TBL1X: variants seen among roughly 807,000 people sequenced by gnomAD.
TBL1X encodes the protein F-box-like/WD repeat-containing protein TBL1X.
A neutral mutation model predicts 50.7 loss-of-function variants in TBL1X; 10 were observed. The ratio of observed to expected loss-of-function variants is 0.20; its 90% confidence interval spans 0.12 to 0.33. The LOEUF is 0.33. Among genes scored for constraint, TBL1X ranks in the 10% least tolerant of loss-of-function variants. The pLI is 1.00. For synonymous variants in TBL1X, 190 were observed against 214.7 expected (o/e 0.88, Z 1.01); for missense variants, 340 against 504.4 (o/e 0.67, Z 3.12).
At chrX:9,518,441 G>A (rs2082091524) in intron 2 of TBL1X, among the ~76,000 whole-genome samples, 3 of 112,291 alleles carry the variant, frequency 2.7e-5, no homozygotes, top group South Asian at 3.7e-4. Flanking sequence ...CAGAAGCCTG[G>A]TATTTTCATA....
At chrX:9,475,454 C>A (rs2081843919) in intron 1 of TBL1X, among the ~76,000 whole-genome samples, 1 of 109,996 alleles carries the variant, frequency 9.1e-6, no homozygotes, top group Admixed American at 9.7e-5. Context: ...CCATGTTGGC[C>A]AGGCTGGTTT....
rs190109445 is a variant in TBL1X at position 9,538,097 on chromosome X, T to C, written c.-131+36248T>C. Among the ~76,000 whole-genome samples, 14 of 112,468 alleles carry C rather than the reference T, an allele frequency of 1.2e-4. No homozygotes were observed. In the East Asian group the frequency reaches 3.9e-3, roughly 31 times the overall value. On this transcript the variant is annotated intron_variant, in intron 2 of 17. Coordinates refer to ENST00000645353, the MANE Select transcript of TBL1X (RefSeq NM_005647.4). ...CCAATGTGCATCTGAGATCAGGTCATTGGCGTTGAAATCGTGAAATGCTCA... is the reference window on the plus strand; with the variant it reads ...CCAATGTGCATCTGAGATCAGGTCACTGGCGTTGAAATCGTGAAATGCTCA...
At chrX:9,606,297 A>G (rs1362255708) in intron 2 of TBL1X, among the ~76,000 whole-genome samples, 1 of 111,788 alleles carries the variant, frequency 8.9e-6, no homozygotes, top group African/African-American at 3.3e-5. Context: ...TGTCTTTTAC[A>G]CCCATAAATG....
At chrX:9,655,263 TGTAGGC>T (rs1165862502) in intron 5 of TBL1X, among the ~76,000 whole-genome samples, 1 of 110,996 alleles carries the variant, frequency 9.0e-6, no homozygotes, top group Non-Finnish European at 1.9e-5. Context: ...AAGATGAAGG[TGTAGGC>T]GGGTCGGTTC....
chrX:9,482,626 G>T (rs2081889353), intron 1 of TBL1X, among the ~76,000 whole-genome samples: 1 of 111,473 alleles, frequency 9.0e-6, no homozygotes. Context: ...ACGGTGGTGA[G>T]CTCACTCCTA....
At chrX:9,507,835 A>G (rs756305729) in intron 2 of TBL1X, among the ~76,000 whole-genome samples, 19 of 112,349 alleles carry the variant, frequency 1.7e-4, no homozygotes, top group Non-Finnish European at 3.4e-4. Context: ...AAAACAAGCA[A>G]TGGGGAAAGG....
chrX:9,567,516 T>G (rs1454448149), intron 2 of TBL1X, among the ~76,000 whole-genome samples: 1 of 111,947 alleles, frequency 8.9e-6, no homozygotes, highest in African/African-American at 3.2e-5. Flanking sequence ...GTTCAGCAGA[T>G]GAGGGTTAAG....
intron 5 of TBL1X, among the ~76,000 whole-genome samples, chrX:9,677,582 G>A (rs1223287134): frequency 2.7e-5 from 3 of 110,343 alleles, no homozygotes; most frequent in Non-Finnish European, 5.7e-5. Flanking sequence ...TTTACTCCCC[G>A]ACTACTGTAG....
intron 5 of TBL1X, among the ~76,000 whole-genome samples, chrX:9,657,529 G>A (rs191005109): frequency 1.8e-5 from 2 of 112,626 alleles, no homozygotes; most frequent in African/African-American, 6.4e-5. Flanking sequence ...GTTGAAGAAG[G>A]ATCCAAGACA....
intron 1 of TBL1X, among the ~76,000 whole-genome samples, chrX:9,498,931 G>A (rs771650527): frequency 3.2e-4 from 36 of 111,757 alleles, no homozygotes; most frequent in Non-Finnish European, 6.0e-4. Context: ...CCAGGGAGAC[G>A]CCCCCCTTGC....
At chrX:9,566,281 A>G (rs2082351019) in intron 2 of TBL1X, among the ~76,000 whole-genome samples, 1 of 111,965 alleles carries the variant, frequency 8.9e-6, no homozygotes. Context: ...CAGTATCTCT[A>G]GACATTGCCC....
At chrX:9,650,581 T>C (rs998403167) in intron 3 of TBL1X, among the ~76,000 whole-genome samples, 1 of 111,436 alleles carries the variant, frequency 9.0e-6, no homozygotes, top group Non-Finnish European at 1.9e-5. Flanking sequence ...CCTTTGTAAT[T>C]CTCTTCCTTT....
chrX:9,684,281 A>G, intron 6 of TBL1X, 93 bp downstream of exon 6: 4 of 1,120,713 alleles, frequency 3.6e-6, no homozygotes, highest in Non-Finnish European at 3.6e-6. Flanking sequence ...CATTTCCCTC[A>G]GGCATTTGGG....
intron 2 of TBL1X, among the ~76,000 whole-genome samples, chrX:9,599,106 G>A (rs988287261): frequency 6.4e-5 from 7 of 109,888 alleles, no homozygotes; most frequent in African/African-American, 2.3e-4. Context: ...GCCACACCCG[G>A]CTAATTTTTG....
At chrX:9,490,018 G>C (rs1032602791) in intron 1 of TBL1X, among the ~76,000 whole-genome samples, 1 of 111,532 alleles carries the variant, frequency 9.0e-6, no homozygotes, top group African/African-American at 3.3e-5. Flanking sequence ...CCAAACTCGA[G>C]TGCAATGGTG....
chrX:9,688,189 C>T lies in TBL1X; in HGVS notation c.530C>T (p.Thr177Met), dbSNP rs1392506953. Residue 177 changes from threonine (T) to methionine (M), a missense_variant, in exon 7 of 18, where the codon ACG (threonine) becomes ATG (methionine). Around this residue, in one of 6 missense-constraint regions of TBL1X, gnomAD observed 99 missense variants for 93.3 expected, o/e 1.06. Transcript: ENST00000645353. ...AATAAATAAT[T>M]TSAGVSHQNP... is the part of the protein sequence containing the mutation. ...ACGGCAGCAGCGACAGCAGCCACCA[C>T]GACCTCAGCCGGCGTTTCCCACCAA... 3.3e-6 allele frequency: 4 copies of T among 1,195,478 alleles called. No homozygotes were observed. Among genetic ancestry groups the T allele is most frequent in the African/African-American group, 1.8e-5 (1 of 56,863 alleles).
At chrX:9,674,711 T>C (rs2082982732) in intron 5 of TBL1X, among the ~76,000 whole-genome samples, 1 of 47,830 alleles carries the variant, frequency 2.1e-5, no homozygotes, top group African/African-American at 8.7e-5. Flanking sequence ...CCCCAGTAGC[T>C]GTGAGTGCAG....
intron 1 of TBL1X, among the ~76,000 whole-genome samples, chrX:9,487,016 G>A (rs1037464385): frequency 9.8e-5 from 11 of 111,804 alleles, no homozygotes; most frequent in Admixed American, 9.5e-4. Flanking sequence ...GAGAAGTCGT[G>A]GAACAGATTC....
chrX:9,558,664 G>A (rs1185192045), intron 2 of TBL1X, among the ~76,000 whole-genome samples: 2 of 111,322 alleles, frequency 1.8e-5, no homozygotes, highest in East Asian at 5.6e-4. Context: ...GCCGTATGAT[G>A]GGTTACTAGG....
Sources: allele counts gnomAD v4.1 joint callset (sites outside exome capture counted in the v4.1 genomes callset), GRCh38; gene constraint gnomAD v4.1.1; regional missense constraint gnomAD v4.1.1; transcripts MANE v1.5; gene names NCBI Gene and HGNC (gene_info 2026-07-23, HGNC 2026-07-21).